CNTN5: variants seen among roughly 807,000 people sequenced by gnomAD.
CNTN5 encodes contactin 5, also known as contactin-5.
A neutral mutation model predicts 129.1 loss-of-function variants in CNTN5; 77 were observed. That is an observed-to-expected ratio of 0.60 (90% confidence interval 0.50 to 0.72). The LOEUF (loss-of-function observed/expected upper bound fraction) is 0.72. Ranked by LOEUF, CNTN5 falls within the 30% of genes least tolerant of loss-of-function variation. CNTN5 has a pLI of 0.00. For missense variants in CNTN5, 1,478 were observed against 1,328.8 expected (o/e 1.11, Z -1.75); for synonymous variants, 509 against 465.6 (o/e 1.09, Z -1.20).
Position 99,819,516 on chromosome 11 carries a change from A to G in CNTN5, c.56-28A>G, listed in dbSNP as rs1231248232. On this transcript the variant is annotated intron_variant, in intron 3 of 24. Transcript: ENST00000524871. Reference sequence around the variant, plus strand: ...AAATAAACTAGTTTCCTCAAAATTCAGATTTTATTATATTTTTTCTCTTAC... The same window carrying G: ...AAATAAACTAGTTTCCTCAAAATTCGGATTTTATTATATTTTTTCTCTTAC... 12 of 1,560,916 alleles carry G rather than the reference A, an allele frequency of 7.7e-6. No homozygotes were observed. The East Asian group carries it at 2.5e-4, about 32-fold the overall frequency.
At chr11:100,156,161 ATTT>A (rs1290028045) in intron 13 of CNTN5, among the ~76,000 whole-genome samples, 1 of 152,056 alleles carries the variant, frequency 6.6e-6, no homozygotes, top group East Asian at 1.9e-4. Context: ...AGCTCTTATT[ATTT>A]TGATATGTTC....
intron 9 of CNTN5, among the ~76,000 whole-genome samples, chr11:100,041,092 G>A (rs1297261550): frequency 6.6e-6 from 1 of 152,140 alleles, no homozygotes. Context: ...GTAGACTGGA[G>A]CTGTTCCTAT....
At chr11:99,127,830 G>A (rs773093963) in intron 1 of CNTN5, among the ~76,000 whole-genome samples, 11 of 152,200 alleles carry the variant, frequency 7.2e-5, no homozygotes, top group South Asian at 2.1e-4. Context: ...CTCCATTAAC[G>A]TCTTTATCAC....
At chr11:99,594,116 A>C (rs974014222) in intron 3 of CNTN5, among the ~76,000 whole-genome samples, 1 of 152,162 alleles carries the variant, frequency 6.6e-6, no homozygotes, top group Admixed American at 6.5e-5. Context: ...TTTTTCATGC[A>C]TGCTCTATCC....
intron 1 of CNTN5, among the ~76,000 whole-genome samples, chr11:99,041,043 T>A (rs1863965649): frequency 6.6e-6 from 1 of 152,134 alleles, no homozygotes; most frequent in Non-Finnish European, 1.5e-5. Flanking sequence ...TTTGAACTAA[T>A]CTCCTCAAAC....
At chr11:99,992,052 A>G (rs993364124) in intron 8 of CNTN5, among the ~76,000 whole-genome samples, 1 of 152,222 alleles carries the variant, frequency 6.6e-6, no homozygotes, top group African/African-American at 2.4e-5. Context: ...TTTAGAAGAC[A>G]AGAAACAGAT....
intron 3 of CNTN5, among the ~76,000 whole-genome samples, chr11:99,666,877 C>T (rs977540269): frequency 2.0e-5 from 3 of 151,918 alleles, no homozygotes; most frequent in Non-Finnish European, 2.9e-5. Flanking sequence ...GATTAAAATC[C>T]GTTACAGGAA....
At chr11:99,249,171 AG>A (rs1262517578) in intron 1 of CNTN5, among the ~76,000 whole-genome samples, 2 of 151,980 alleles carry the variant, frequency 1.3e-5, no homozygotes, top group Admixed American at 1.3e-4. Context: ...CTCCTTGAAG[AG>A]GTCTTTCATG....
intron 2 of CNTN5, among the ~76,000 whole-genome samples, chr11:99,421,548 T>C (rs1942889190): frequency 6.6e-6 from 1 of 152,226 alleles, no homozygotes; most frequent in South Asian, 2.1e-4. Context: ...CACCTTTGGA[T>C]TTTTAATGGG....
intron 3 of CNTN5, among the ~76,000 whole-genome samples, chr11:99,775,048 T>C (rs1180723196): frequency 1.3e-5 from 2 of 152,056 alleles, no homozygotes; most frequent in Non-Finnish European, 2.9e-5. Flanking sequence ...CAGAAGAGTA[T>C]TGTGGCCAAT....
intron 2 of CNTN5, among the ~76,000 whole-genome samples, chr11:99,406,936 C>T (rs961131749): frequency 6.6e-6 from 1 of 151,694 alleles, no homozygotes; most frequent in Non-Finnish European, 1.5e-5. Flanking sequence ...TGGGACTCAC[C>T]CTTCAGGGAA....
intron 2 of CNTN5, among the ~76,000 whole-genome samples, chr11:99,405,420 T>G (rs1337460834): frequency 6.6e-6 from 1 of 152,056 alleles, no homozygotes; most frequent in African/African-American, 2.4e-5. Context: ...CTCTCTTCTT[T>G]GTGTATTTTC....
intron 3 of CNTN5, among the ~76,000 whole-genome samples, chr11:99,778,930 A>G (rs1174075232): frequency 2.6e-5 from 4 of 151,918 alleles, no homozygotes; most frequent in African/African-American, 7.2e-5. Flanking sequence ...AAATAATTCT[A>G]TATAAGTAGG....
chr11:99,922,698 G>A (rs1010759092), intron 7 of CNTN5, among the ~76,000 whole-genome samples: 2 of 152,160 alleles, frequency 1.3e-5, no homozygotes, highest in Non-Finnish European at 2.9e-5. Flanking sequence ...AGTGTCAGGA[G>A]TCAAATTTTA....
At chr11:99,541,174 A>G (rs1398394138) in intron 2 of CNTN5, among the ~76,000 whole-genome samples, 1 of 152,158 alleles carries the variant, frequency 6.6e-6, no homozygotes, top group Admixed American at 6.5e-5. Flanking sequence ...AAAAATGAGC[A>G]GTACACTAGC....
intron 2 of CNTN5, among the ~76,000 whole-genome samples, chr11:99,377,446 G>GT (rs1239137904): frequency 2.6e-5 from 4 of 151,674 alleles, no homozygotes; most frequent in Non-Finnish European, 4.4e-5. Context: ...AAAGGCTTTA[G>GT]TTTTTTTTAA....
chr11:99,064,086 T>C (rs1591129227), intron 1 of CNTN5, among the ~76,000 whole-genome samples: 1 of 152,124 alleles, frequency 6.6e-6, no homozygotes, highest in African/African-American at 2.4e-5. Context: ...ACAACCTAGA[T>C]TATCATCAAC....
intron 4 of CNTN5, among the ~76,000 whole-genome samples, chr11:99,844,157 A>G (rs1415179369): frequency 6.6e-6 from 1 of 152,226 alleles, no homozygotes; most frequent in Non-Finnish European, 1.5e-5. Flanking sequence ...TCTGGTATAT[A>G]GTAGGCAATA....
chr11:99,610,698 A>T lies in CNTN5; in HGVS notation c.55+54429A>T, dbSNP rs1950568832. Reference sequence around the variant, plus strand: ...ACCGAGCAGGGATTCCAGTGGCCGCATGTTAGGAAATGATAAAAGTTAGAT... The same window carrying T: ...ACCGAGCAGGGATTCCAGTGGCCGCTTGTTAGGAAATGATAAAAGTTAGAT... On this transcript the variant is annotated intron_variant, in intron 3 of 24. Transcript: ENST00000524871. Among the ~76,000 whole-genome samples, 3 of 152,146 alleles carry T rather than the reference A, an allele frequency of 2.0e-5. No homozygotes were observed. The South Asian group carries it at 6.2e-4, about 31-fold the overall frequency.
Sources: gnomAD v4.1 joint callset for allele counts (sites outside exome capture counted in the v4.1 genomes callset) on GRCh38, gnomAD v4.1.1 for gene constraint, MANE v1.5 for transcripts, NCBI Gene and HGNC (gene_info 2026-07-23, HGNC 2026-07-21) for gene names.